The following PLCXD3 variants were observed in gnomAD, a reference collection of about 807,000 sequenced individuals.
The protein encoded by PLCXD3 is phosphatidylinositol specific phospholipase C X domain containing 3.
In PLCXD3, 19 loss-of-function variants were observed where a neutral mutation model predicts 25.5. That is an observed-to-expected ratio of 0.75 (90% CI 0.52 to 1.09). The LOEUF is 1.09. Ranked by LOEUF, PLCXD3 falls within the 50% of genes least tolerant of loss-of-function variation. The pLI is 0.00. For missense variants in PLCXD3, 411 were observed against 388.1 expected (o/e 1.06, Z -0.50); for synonymous variants, 174 against 137.6 (o/e 1.26, Z -1.85).
At chr5:41,429,178 T>C (rs1324811720) in intron 1 of PLCXD3, among the ~76,000 whole-genome samples, 15 of 151,980 alleles carry the variant, frequency 9.9e-5, no homozygotes, top group Non-Finnish European at 4.4e-5. Flanking sequence ...TGTTACTTAG[T>C]GAAAATTTAT....
At chr5:41,393,995 A>G (rs903584506) in intron 1 of PLCXD3, among the ~76,000 whole-genome samples, 4 of 152,142 alleles carry the variant, frequency 2.6e-5, no homozygotes, top group Non-Finnish European at 5.9e-5. Context: ...ACAGAATATT[A>G]TAAAACTGTC....
At chr5:41,400,061 A>G (rs1401041452) in intron 1 of PLCXD3, among the ~76,000 whole-genome samples, 1 of 152,130 alleles carries the variant, frequency 6.6e-6, no homozygotes, top group Non-Finnish European at 1.5e-5. Context: ...AAGAAGGCAT[A>G]CAAAGACAAA....
At chr5:41,499,968 T>G (rs541996612) in intron 1 of PLCXD3, among the ~76,000 whole-genome samples, 1 of 151,850 alleles carries the variant, frequency 6.6e-6, no homozygotes, top group Non-Finnish European at 1.5e-5. Flanking sequence ...TCTTATGACA[T>G]ATGTATGTAA....
At chr5:41,387,145 GA>G (rs1745662308) in intron 1 of PLCXD3, among the ~76,000 whole-genome samples, 1 of 152,156 alleles carries the variant, frequency 6.6e-6, no homozygotes, top group African/African-American at 2.4e-5. Flanking sequence ...AGATGAAAGG[GA>G]AAAGGTTTTC....
intron 1 of PLCXD3, among the ~76,000 whole-genome samples, chr5:41,406,790 C>T (rs1746364789): frequency 6.6e-6 from 1 of 152,154 alleles, no homozygotes; most frequent in Non-Finnish European, 1.5e-5. Flanking sequence ...TACCCTGCCT[C>T]AGCCTCTAGA....
intron 1 of PLCXD3, among the ~76,000 whole-genome samples, chr5:41,388,897 A>G (rs1005429935): frequency 2.0e-5 from 3 of 151,826 alleles, no homozygotes; most frequent in African/African-American, 7.2e-5. Context: ...ACACTACAGT[A>G]GGAAATATGT....
intron 1 of PLCXD3, among the ~76,000 whole-genome samples, chr5:41,418,928 G>A (rs1273788923): frequency 1.3e-5 from 2 of 152,238 alleles, no homozygotes; most frequent in Non-Finnish European, 2.9e-5. Flanking sequence ...TAAATGGAAA[G>A]CAGTAGGAGT....
At chr5:41,504,323 C>T (rs992068829) in intron 1 of PLCXD3, among the ~76,000 whole-genome samples, 7 of 152,142 alleles carry the variant, frequency 4.6e-5, no homozygotes, top group African/African-American at 1.7e-4. Flanking sequence ...AGTGAGCTAA[C>T]ATTGAGCATA....
At chr5:41,333,811 A>G (rs769741681) in intron 2 of PLCXD3, among the ~76,000 whole-genome samples, 10 of 152,152 alleles carry the variant, frequency 6.6e-5, no homozygotes, top group African/African-American at 2.4e-4. Context: ...CTAATTTATT[A>G]TAACTATTTA....
intron 1 of PLCXD3, among the ~76,000 whole-genome samples, chr5:41,386,636 C>T (rs1356959324): frequency 2.0e-5 from 3 of 152,006 alleles, no homozygotes; most frequent in Non-Finnish European, 4.4e-5. Context: ...CTGAGTGGGC[C>T]TGACTTGAGC....
intron 1 of PLCXD3, among the ~76,000 whole-genome samples, chr5:41,490,291 G>C (rs1236654215): frequency 1.1e-4 from 16 of 152,320 alleles, no homozygotes; most frequent in Non-Finnish European, 1.9e-4. Context: ...AAGCCCACTT[G>C]ATCATGGTGG....
chr5:41,442,275 T>A (rs578189580), intron 1 of PLCXD3, among the ~76,000 whole-genome samples: 3 of 152,356 alleles, frequency 2.0e-5, no homozygotes, highest in East Asian at 1.9e-4. Flanking sequence ...ACACAAAGTA[T>A]GCACATGTGA....
intron 2 of PLCXD3, among the ~76,000 whole-genome samples, chr5:41,369,799 G>A (rs758885723): frequency 2.6e-5 from 4 of 152,232 alleles, no homozygotes; most frequent in Non-Finnish European, 4.4e-5. Flanking sequence ...TTTTGATAGA[G>A]TTATCTTATT....
intron 1 of PLCXD3, among the ~76,000 whole-genome samples, chr5:41,471,539 TC>T: frequency 6.6e-6 from 1 of 152,254 alleles, no homozygotes; most frequent in Non-Finnish European, 1.5e-5. Flanking sequence ...TCTTGCCAAT[TC>T]AGGCTAAAGT....
chr5:41,485,991 C>T (rs73079796), intron 1 of PLCXD3, among the ~76,000 whole-genome samples: 1,702 of 152,198 alleles, frequency 0.011, 27 homozygotes, highest in African/African-American at 0.039. Flanking sequence ...CTTGTAACAA[C>T]GGGAAGTTTT....
At chr5:41,326,670 T>C (rs1396242912) in intron 2 of PLCXD3, among the ~76,000 whole-genome samples, 1 of 152,200 alleles carries the variant, frequency 6.6e-6, no homozygotes, top group Non-Finnish European at 1.5e-5. Flanking sequence ...GGGCATTATC[T>C]CAACCCCTCC....
intron 1 of PLCXD3, among the ~76,000 whole-genome samples, chr5:41,509,060 C>A (rs1738956990): frequency 6.6e-6 from 1 of 152,220 alleles, no homozygotes; most frequent in South Asian, 2.1e-4. Context: ...TGCTGCCAAA[C>A]ATCCACTTGA....
At chr5:41,428,282 T>C (rs770676349) in intron 1 of PLCXD3, among the ~76,000 whole-genome samples, 1 of 152,096 alleles carries the variant, frequency 6.6e-6, no homozygotes, top group Non-Finnish European at 1.5e-5. Context: ...TATTATGTAC[T>C]GAATTGTATT....
chr5:41,493,520 G>A (rs1042464504), intron 1 of PLCXD3, among the ~76,000 whole-genome samples: 3 of 152,220 alleles, frequency 2.0e-5, no homozygotes, highest in African/African-American at 7.2e-5. Context: ...TTGTTTGTCT[G>A]TGCCTTGCCC....
Sources: gnomAD v4.1 joint callset for allele counts (sites outside exome capture counted in the v4.1 genomes callset) on GRCh38, gnomAD v4.1.1 for gene constraint, MANE v1.5 for transcripts, NCBI Gene and HGNC (gene_info 2026-07-23, HGNC 2026-07-21) for gene names.